PLCD3: variants seen among roughly 807,000 people sequenced by gnomAD.
PLCD3 encodes phospholipase C delta 3, also known as 1-phosphatidylinositol 4,5-bisphosphate phosphodiesterase delta-3.
In PLCD3, 62 loss-of-function variants were observed where a neutral mutation model predicts 82.8. That is an observed-to-expected ratio of 0.75 (90% CI 0.61 to 0.93). The LOEUF (loss-of-function observed/expected upper bound fraction) is 0.93. PLCD3 is among the 40% of genes least tolerant of loss of function. The probability of loss-of-function intolerance (pLI) is 0.00; values close to 1 mark genes in which losing one functional copy is unlikely to be tolerated. For synonymous variants in PLCD3, 478 were observed against 471.8 expected (o/e 1.01, Z -0.17); for missense variants, 1,023 against 1,103.4 (o/e 0.93, Z 1.03).
chr17:45,112,770 T>C, intron 14 of PLCD3, 66 bp from the exon 15 acceptor site: 3 of 1,590,970 alleles, frequency 1.9e-6, no homozygotes, highest in Non-Finnish European at 2.6e-6. Context: ...AGCCCGGGCC[T>C]GCTTCAGGGC....
chr17:45,119,441 G>C (rs575004064), intron 4 of PLCD3, among the ~76,000 whole-genome samples: 1 of 152,284 alleles, frequency 6.6e-6, no homozygotes, highest in South Asian at 2.1e-4. Context: ...TTGCTGTGTT[G>C]CCCAAGCTGA....
In PLCD3 at chr17:45,118,457, T is replaced by G; in HGVS notation, c.949A>C (p.Met317Leu). 1 of 1,613,960 alleles carries G rather than the reference T, an allele frequency of 6.2e-7. No homozygotes were observed. The highest frequency in any genetic ancestry group is 1.3e-5 in the African/African-American group (1 of 75,024). ...QHELMTLDGF[M>L]MYLLSPEGAA... is the part of the protein sequence containing the mutation. ...CCCTCCGGCGACAACAGGTACATCA[T>G]GAAGCCATCCAGTGTCATCAGCTCA... Residue 317 changes from methionine to leucine, a missense_variant, in exon 6 of 15, where the codon ATG (methionine) becomes CTG (leucine). By Grantham distance (15) the Met-to-Leu change is conservative (BLOSUM62 2). Around this residue, in one of 3 missense-constraint regions of PLCD3, gnomAD observed 553 missense variants for 655.7 expected, o/e 0.84. Transcript: ENST00000619929. The surrounding 1 kb of genome is among the most constrained non-coding windows in gnomAD (Gnocchi z 4.1).
chr17:45,125,746 A>G (rs1323647376), intron 1 of PLCD3, among the ~76,000 whole-genome samples: 3 of 152,268 alleles, frequency 2.0e-5, no homozygotes, highest in African/African-American at 2.4e-5. Context: ...CCTTGAAAAC[A>G]TCATGCTAAG....
rs1420332277 is a variant in PLCD3, at chr17:45,118,399, AAC to A, written c.1005_1006del (p.Phe336ProfsTer22). 1.2e-6 allele frequency: 2 copies of A among 1,613,966 alleles called. No individual in the cohort carries two copies. The highest frequency in any genetic ancestry group is 1.7e-5 in the Admixed American group (1 of 60,024). Reference sequence around the variant, plus strand: ...GGCAAGGGGCTGGTTCATGTCCTGGAACACACACGTGTGGGTGTTGTCCAAGG... The same window carrying A: ...GGCAAGGGGCTGGTTCATGTCCTGGAACACACGTGTGGGTGTTGTCCAAGG... On this transcript the variant is annotated frameshift_variant, in exon 6 of 15. Coordinates refer to ENST00000619929, the MANE Select transcript of PLCD3 (RefSeq NM_133373.5). LOFTEE classifies it high-confidence loss of function. This position sits in a 1 kb window ranked among gnomAD's most constrained non-coding sequence, Gnocchi z 4.1.
At chr17:45,124,992 A>G (rs2054370397) in intron 1 of PLCD3, among the ~76,000 whole-genome samples, 1 of 152,210 alleles carries the variant, frequency 6.6e-6, no homozygotes, top group Non-Finnish European at 1.5e-5. Flanking sequence ...GGAGTTCAAG[A>G]CCAGCCTGAC....
chr17:45,121,598 C>T (rs1473591280), intron 1 of PLCD3, among the ~76,000 whole-genome samples: 1 of 152,228 alleles, frequency 6.6e-6, no homozygotes, highest in Admixed American at 6.5e-5. Context: ...CCCCCCAACC[C>T]GTACCCCATC....
intron 1 of PLCD3, among the ~76,000 whole-genome samples, chr17:45,127,803 AGT>A (rs1447202637): frequency 2.8e-5 from 2 of 71,672 alleles, no homozygotes; most frequent in African/African-American, 1.4e-4. Context: ...AATGTGTGTG[AGT>A]GTGTGCGTGT....
At chr17:45,131,668 T>G (rs1307520913) in intron 1 of PLCD3, among the ~76,000 whole-genome samples, 2 of 152,222 alleles carry the variant, frequency 1.3e-5, no homozygotes, top group Non-Finnish European at 2.9e-5. Context: ...GATGTTCCAA[T>G]GAGCCACAGT....
chr17:45,120,786 GC>G, intron 3 of PLCD3, 115 bp downstream of exon 3: 1 of 1,132,610 alleles, frequency 8.8e-7, no homozygotes, highest in Non-Finnish European at 1.1e-6. Context: ...CCCAGACCGT[GC>G]GCCCTCAGGA....
chr17:45,122,868 G>A (rs2054352246), intron 1 of PLCD3, among the ~76,000 whole-genome samples: 1 of 152,190 alleles, frequency 6.6e-6, no homozygotes, highest in Non-Finnish European at 1.5e-5. Flanking sequence ...TGGGAACTGG[G>A]TAAACGGAGA....
At chr17:45,116,576 G>C (rs1435121295) in intron 8 of PLCD3, 56 bp downstream of exon 8, 4 of 1,498,026 alleles carry the variant, frequency 2.7e-6, no homozygotes, top group Non-Finnish European at 3.6e-6. Flanking sequence ...GCAGTGCGGG[G>C]AGGCGGACTC....
intron 1 of PLCD3, among the ~76,000 whole-genome samples, chr17:45,131,913 T>C (rs1442360785): frequency 6.6e-6 from 1 of 152,008 alleles, no homozygotes; most frequent in African/African-American, 2.4e-5. Context: ...TAGATACTGC[T>C]GGGGAGCCGG....
chr17:45,112,923 C>T lies in PLCD3; in HGVS notation c.2221G>A (p.Ala741Thr), dbSNP rs560072552. ...LVRFVVEDYD[A>T]TSPNDFVGQF... ...CCCACAAAGTCATTGGGGGAGGTGG[C>T]GTCATAATCTTCCACCACAAACCGG... The change falls in exon 14 of 15, where the codon GCC becomes ACC. Residue 741 changes from alanine (A) to threonine (T), a missense_variant. This residue lies in a region of PLCD3 where 553 missense variants were observed against 655.7 expected (regional missense o/e 0.84). Transcript: ENST00000619929. 71 of 1,612,622 alleles carry T rather than the reference C, an allele frequency of 4.4e-5. No homozygotes were observed. Among genetic ancestry groups the T allele is most frequent in the Non-Finnish European group, 5.9e-5 (69 of 1,179,310 alleles).
At chr17:45,125,121 G>A (rs1567883462) in intron 1 of PLCD3, among the ~76,000 whole-genome samples, 1 of 151,476 alleles carries the variant, frequency 6.6e-6, no homozygotes, top group East Asian at 1.9e-4. Flanking sequence ...GAGGTCAGGA[G>A]TTCAAGACCA....
chr17:45,116,686 C>T lies in PLCD3; in HGVS notation c.1359G>A (p.Met453Ile), dbSNP rs1479465456. 1 of 1,610,642 alleles carries T rather than the reference C, an allele frequency of 6.2e-7. No individual in the cohort carries two copies. The highest frequency in any genetic ancestry group is 8.5e-7 in the Non-Finnish European group (1 of 1,178,104). The change falls in exon 8 of 15, where the codon ATG (methionine) becomes ATA (isoleucine). Residue 453 changes from methionine (M) to isoleucine (I), a missense_variant. Physicochemically the swap from Met to Ile is conservative, Grantham distance 10. Around this residue, in one of 3 missense-constraint regions of PLCD3, gnomAD observed 553 missense variants for 655.7 expected, o/e 0.84. Transcript: ENST00000619929. ...GGGAGTCCAGCGCCTGTGTCACCAGCATGTCCCCCAGGATGGTGCAGAGGT... is the reference window on the plus strand; with the variant it reads ...GGGAGTCCAGCGCCTGTGTCACCAGTATGTCCCCCAGGATGGTGCAGAGGT... ...ARHLCTILGD[M>I]LVTQALDSPN...
At chr17:45,121,879 C>T (rs1460381535) in intron 1 of PLCD3, among the ~76,000 whole-genome samples, 2 of 151,520 alleles carry the variant, frequency 1.3e-5, no homozygotes, top group African/African-American at 4.9e-5. Context: ...ATCCCAGCTA[C>T]TTAGGAGGCT....
In PLCD3 at chr17:45,118,846, C is replaced by T. The variant is rs760758489; in HGVS notation, c.882G>A (p.Gln294=). Residue 294 remains glutamine, a synonymous_variant, in exon 5 of 15, where the codon CAG becomes CAA. Coordinates refer to ENST00000619929, the MANE Select transcript of PLCD3 (RefSeq NM_133373.5). This position sits in a 1 kb window ranked among gnomAD's most constrained non-coding sequence, Gnocchi z 4.1. ...EEGATLARAQ[Q]LIQTYELNET... ...CGTTGAGCTCATAGGTCTGAATGAG[C>T]TGCTGGGCGCGGGCCAGTGTGGCGC... 6.2e-7 allele frequency: 1 copy of T among 1,611,140 alleles called. No homozygotes were observed. The highest frequency in any genetic ancestry group is 8.5e-7 in the Non-Finnish European group (1 of 1,179,436).
At chr17:45,124,709 G>A (rs904265647) in intron 1 of PLCD3, among the ~76,000 whole-genome samples, 8 of 152,218 alleles carry the variant, frequency 5.3e-5, no homozygotes, top group Non-Finnish European at 5.9e-5. Flanking sequence ...CACAGATGTC[G>A]CCTTGACCTT....
rs187520388 is a variant in PLCD3, at chr17:45,124,628, G to A, written c.164-3256C>T. On this transcript the variant is annotated intron_variant, in intron 1 of 14. Transcript: ENST00000619929. Reference sequence around the variant, plus strand: ...AGGGAGGGCTCAGGGCCAGGGCAGCGATGCTGCGAGGACCGTGGCTCTCCA... The same window carrying A: ...AGGGAGGGCTCAGGGCCAGGGCAGCAATGCTGCGAGGACCGTGGCTCTCCA... Among the ~76,000 whole-genome samples the A allele has an allele frequency of 2.5e-3, 377 of 152,358 alleles. 1 individual carries two copies. Among genetic ancestry groups the A allele is most frequent in the Non-Finnish European group, 3.9e-3 (266 of 68,040 alleles).
Sources: gnomAD v4.1 joint callset for allele counts (sites outside exome capture counted in the v4.1 genomes callset) on GRCh38, gnomAD v4.1.1 for gene constraint, gnomAD v4.1.1 regional missense constraint, Gnocchi (gnomAD v3.1) non-coding constraint, MANE v1.5 for transcripts, NCBI Gene and HGNC (gene_info 2026-07-23, HGNC 2026-07-21) for gene names.